The following UBTD2 variants were observed in gnomAD, a reference collection of about 807,000 sequenced individuals.
UBTD2 encodes ubiquitin domain containing 2, also known as ubiquitin domain-containing protein 2.
A neutral mutation model predicts 19.8 loss-of-function variants in UBTD2; 9 were observed. The ratio of observed to expected loss-of-function variants is 0.46; its 90% CI spans 0.27 to 0.79. The LOEUF (loss-of-function observed/expected upper bound fraction) is 0.79. Ranked by LOEUF, UBTD2 falls within the 30% of genes least tolerant of loss-of-function variation. UBTD2 has a pLI of 0.14. For missense variants in UBTD2, 250 were observed against 300.4 expected (o/e 0.83, Z 1.24); for synonymous variants, 98 against 103.9 (o/e 0.94, Z 0.35).
At chr5:172,218,817 T>TAAAAAAAAAAAAAAAAAAATAAAAAAA (rs1554127124) in intron 2 of UBTD2, among the ~76,000 whole-genome samples, 1 of 89,654 alleles carries the variant, frequency 1.1e-5, no homozygotes, top group African/African-American at 3.7e-5. Context: ...AAATAAAAAA[T>TAAAAAAAAAAAAAAAAAAATAAAAAAA]AAAAATAAAA....
chr5:172,213,995 A>G (rs1331533565), intron 2 of UBTD2, among the ~76,000 whole-genome samples: 1 of 152,222 alleles, frequency 6.6e-6, no homozygotes, highest in Non-Finnish European at 1.5e-5. Flanking sequence ...CATGTTGGTC[A>G]GGCTGTTCTT....
chr5:172,247,242 A>T (rs114557919), intron 1 of UBTD2, among the ~76,000 whole-genome samples: 5 of 152,132 alleles, frequency 3.3e-5, no homozygotes, highest in Non-Finnish European at 7.3e-5. Flanking sequence ...AGACTTCAGA[A>T]CCTAGGAACA....
At chr5:172,265,556 C>T (rs1755361116) in intron 1 of UBTD2, among the ~76,000 whole-genome samples, 1 of 152,162 alleles carries the variant, frequency 6.6e-6, no homozygotes, top group South Asian at 2.1e-4. Context: ...GTCTCGATCT[C>T]CTGACCTTGT....
intron 1 of UBTD2, among the ~76,000 whole-genome samples, chr5:172,258,191 G>C (rs1341812610): frequency 6.6e-6 from 1 of 152,160 alleles, no homozygotes; most frequent in Non-Finnish European, 1.5e-5. Flanking sequence ...CGAAAAGAAG[G>C]GGTACAGTTT....
chr5:172,239,772 C>G (rs942776417), intron 1 of UBTD2, among the ~76,000 whole-genome samples: 1 of 151,886 alleles, frequency 6.6e-6, no homozygotes, highest in African/African-American at 2.4e-5. Context: ...GGCGTGGTGG[C>G]AGGCACCTGG....
At chr5:172,216,949 G>C (rs995794578) in intron 2 of UBTD2, among the ~76,000 whole-genome samples, 2 of 151,978 alleles carry the variant, frequency 1.3e-5, no homozygotes, top group African/African-American at 4.8e-5. Context: ...CTGGGCAACA[G>C]AGACAGACCT....
At chr5:172,247,393 T>C (rs1754902770) in intron 1 of UBTD2, among the ~76,000 whole-genome samples, 1 of 151,968 alleles carries the variant, frequency 6.6e-6, no homozygotes, top group African/African-American at 2.4e-5. Flanking sequence ...GGCTCACACC[T>C]GTAATCCCAG....
intron 1 of UBTD2, among the ~76,000 whole-genome samples, chr5:172,258,344 C>T (rs192524995): frequency 6.6e-6 from 1 of 152,132 alleles, no homozygotes; most frequent in Non-Finnish European, 1.5e-5. Context: ...TTCCATTGTT[C>T]TATGTGTCTG....
At position 172,211,740 on chromosome 5, in the gene UBTD2, G is replaced by C; in HGVS notation, c.*90C>G. 1 of 1,386,320 alleles carries C rather than the reference G, an allele frequency of 7.2e-7. No homozygotes were observed. The highest frequency in any genetic ancestry group is 2.4e-5 in the East Asian group (1 of 42,450). The allele number at this position is 1,386,320 out of a possible 1,614,324, so 85.9% of individuals were successfully genotyped here. ...CCATTCATAGGGAATTTAGAGCAGT[G>C]AAATAGATTTCACGCCGCAGAGTAG... On this transcript the variant is annotated 3_prime_UTR_variant, in exon 3 of 3. Coordinates refer to ENST00000393792, the MANE Select transcript of UBTD2 (RefSeq NM_152277.3).
At chr5:172,259,442 TG>T (rs1755222949) in intron 1 of UBTD2, among the ~76,000 whole-genome samples, 1 of 151,860 alleles carries the variant, frequency 6.6e-6, no homozygotes, top group Non-Finnish European at 1.5e-5. Flanking sequence ...CGCCCAGCCC[TG>T]TTGAGGGTTT....
At chr5:172,259,092 G>A (rs551775361) in intron 1 of UBTD2, among the ~76,000 whole-genome samples, 26 of 152,136 alleles carry the variant, frequency 1.7e-4, no homozygotes, top group African/African-American at 3.1e-4. Flanking sequence ...TGTCATAGAC[G>A]GCTCTTATGA....
intron 1 of UBTD2, among the ~76,000 whole-genome samples, chr5:172,273,590 C>CAAAAAAAAAAAAAAA (rs35687001): frequency 5.5e-5 from 2 of 36,396 alleles, no homozygotes; most frequent in Non-Finnish European, 1.0e-4. Flanking sequence ...GACTCCGTCT[C>CAAAAAAAAAAAAAAA]AAAAAAAAAA....
chr5:172,227,572 A>T (rs1331489772), intron 2 of UBTD2, among the ~76,000 whole-genome samples: 1 of 151,240 alleles, frequency 6.6e-6, no homozygotes, highest in African/African-American at 2.4e-5. Flanking sequence ...TTTATTAAAG[A>T]TGGGGTTTTA....
At chr5:172,217,350 C>T (rs755687225) in intron 2 of UBTD2, among the ~76,000 whole-genome samples, 1 of 144,736 alleles carries the variant, frequency 6.9e-6, no homozygotes, top group Non-Finnish European at 1.5e-5. Context: ...ACCCGGGAGG[C>T]GGAGCTTGCA....
rs1338489241 is a variant in UBTD2, at chr5:172,210,253, T to G, written c.*1577A>C. The G allele has an allele frequency of 6.6e-6, 1 of 152,214 alleles. No homozygotes were observed. The highest frequency in any genetic ancestry group is 1.9e-4 in the East Asian group (1 of 5,200). The allele number at this position is 152,214 out of a possible 1,614,324, so 9.4% of individuals were successfully genotyped here. A position where few individuals can be genotyped will look rare whatever the true frequency, so the allele number is the denominator to read the frequency against. ...TATATTTAATCAGGCAATAGGAAAT[T>G]CAATACCATTTAAACATTACATTTA... On this transcript the variant is annotated 3_prime_UTR_variant, in exon 3 of 3. Transcript: ENST00000393792.
chr5:172,253,471 T>TTTTTTTTTG (rs1755070424), intron 1 of UBTD2, among the ~76,000 whole-genome samples: 1 of 151,842 alleles, frequency 6.6e-6, no homozygotes, highest in African/African-American at 2.4e-5. Flanking sequence ...TTTTTTTTTT[T>TTTTTTTTTG]TGAGATGGAG....
At chr5:172,277,809 G>T (rs572829401) in intron 1 of UBTD2, among the ~76,000 whole-genome samples, 34 of 137,972 alleles carry the variant, frequency 2.5e-4, no homozygotes, top group Non-Finnish European at 4.7e-4. Context: ...TCATATATTT[G>T]ATAAGGGTTC....
chr5:172,263,851 C>CTGTGTGTGTGTGTGTGTG (rs111856574), intron 1 of UBTD2, among the ~76,000 whole-genome samples: 4,382 of 142,250 alleles, frequency 0.031, 116 homozygotes, highest in Middle Eastern at 0.068. Flanking sequence ...GCACGTGCCT[C>CTGTGTGTGTGTGTGTGTG]TGTGTGTGTG....
chr5:172,251,465 CAAAAA>C (rs59810255), intron 1 of UBTD2, among the ~76,000 whole-genome samples: 28,759 of 91,792 alleles, frequency 0.31, 2,911 homozygotes, highest in East Asian at 0.45. Flanking sequence ...TCAAACTGTC[CAAAAA>C]AAAAAAAAAA....
Sources: gnomAD v4.1 joint callset for allele counts (sites outside exome capture counted in the v4.1 genomes callset) on GRCh38, gnomAD v4.1.1 for gene constraint, MANE v1.5 for transcripts, NCBI Gene and HGNC (gene_info 2026-07-23, HGNC 2026-07-21) for gene names.